Variants in BHMT observed in about 807,000 individuals in gnomAD.
The protein encoded by BHMT is betaine--homocysteine S-methyltransferase.
In BHMT, 38 loss-of-function variants were observed where a neutral mutation model predicts 49.5. The ratio of observed to expected loss-of-function variants is 0.77; its 90% CI spans 0.59 to 1.01. The LOEUF is 1.01. Ranked by LOEUF, BHMT falls within the 50% of genes least tolerant of loss-of-function variation. The pLI is 0.00. For missense variants in BHMT, 426 were observed against 495.7 expected, an observed-to-expected ratio of 0.86 and a Z score of 1.34; for synonymous variants, 166 against 176.3, an observed-to-expected ratio of 0.94 and a Z score of 0.46.
chr5:79,115,631 T>TAA, intron 1 of BHMT, 136 bp from the exon 2 acceptor site: 1 of 987,424 alleles, frequency 1.0e-6, no homozygotes, highest in Non-Finnish European at 1.4e-6. Flanking sequence ...TAAATGTATA[T>TAA]ATAAAATATA....
Position 79,126,119 on chromosome 5 carries a change from G to A in BHMT, c.699G>A (p.Glu233=). 6.2e-7 allele frequency: 1 copy of A among 1,613,396 alleles called. No individual in the cohort carries two copies. Among genetic ancestry groups the A allele is most frequent in the African/African-American group, 1.3e-5 (1 of 75,032 alleles). Residue 233 remains glutamate (E), a synonymous_variant, in exon 6 of 8, where the codon GAG becomes GAA. Transcript: ENST00000274353. ...ISLKTVKLMK[E]GLEAARLKAH... is the part of the protein sequence containing the mutation. ...TAAAAACAGTGAAGCTCATGAAGGA[G>A]GGCTTGGAGGCTGCCCGACTGAAAG...
chr5:79,121,512 C>G (rs1756472221), intron 5 of BHMT, 147 bp downstream of exon 5: 2 of 1,245,448 alleles, frequency 1.6e-6, no homozygotes, highest in Non-Finnish European at 2.1e-6. Flanking sequence ...TATTGAATCC[C>G]AGAGGAAAAG....
chr5:79,121,933 A>G (rs1323864652), intron 5 of BHMT, among the ~76,000 whole-genome samples: 1 of 151,506 alleles, frequency 6.6e-6, no homozygotes, highest in Non-Finnish European at 1.5e-5. Context: ...AATTAAGCAG[A>G]TATCTTGTTT....
chr5:79,125,813 C>G (rs954383270), intron 5 of BHMT, among the ~76,000 whole-genome samples: 1 of 151,966 alleles, frequency 6.6e-6, no homozygotes, highest in Non-Finnish European at 1.5e-5. Flanking sequence ...CGTGGTGGCA[C>G]ACACTTGTAG....
At chr5:79,116,986 T>C (rs1442948340) in intron 2 of BHMT, among the ~76,000 whole-genome samples, 1 of 152,188 alleles carries the variant, frequency 6.6e-6, no homozygotes, top group East Asian at 1.9e-4. Context: ...GCAGCTTTAA[T>C]TCAGCAATGA....
chr5:79,111,931 G>A lies in BHMT; in HGVS notation c.33+13G>A, dbSNP rs1489388856. 1.9e-6 allele frequency: 3 copies of A among 1,591,136 alleles called. No individual in the cohort carries two copies. Among genetic ancestry groups the A allele is most frequent in the Non-Finnish European group, 2.6e-6 (3 of 1,169,116 alleles). On this transcript the variant is annotated intron_variant, in intron 1 of 7. Coordinates refer to ENST00000274353, the MANE Select transcript of BHMT (RefSeq NM_001713.3). ...AAAGGCCAAGAAGGTGAGTCTCCAG[G>A]GGACCCGAGGGCGCTCTCCTTCCCC... is the stretch of plus-strand genomic sequence containing the variant.
At chr5:79,125,950 G>GAA in intron 5 of BHMT, 96 bp from the exon 6 acceptor site, 4 of 1,270,724 alleles carry the variant, frequency 3.1e-6, no homozygotes, top group South Asian at 3.1e-5. Flanking sequence ...CTCAAAAAAT[G>GAA]AAAAAAGAAC....
chr5:79,115,207 C>T (rs1369072180), intron 1 of BHMT, among the ~76,000 whole-genome samples: 1 of 151,890 alleles, frequency 6.6e-6, no homozygotes, highest in African/African-American at 2.4e-5. Context: ...GTGGCACGAG[C>T]CTGTAGTTTT....
At chr5:79,112,678 G>T (rs1476130997) in intron 1 of BHMT, among the ~76,000 whole-genome samples, 1 of 152,236 alleles carries the variant, frequency 6.6e-6, no homozygotes, top group African/African-American at 2.4e-5. Context: ...ACTGAGGAAG[G>T]GCTGTTGATG....
In BHMT at chr5:79,111,907, A is replaced by C; in HGVS notation, c.22A>C (p.Lys8Gln). The C allele has an allele frequency of 3.1e-6, 5 of 1,609,930 alleles. No homozygotes were observed. The highest frequency in any genetic ancestry group is 3.4e-6 in the Non-Finnish European group (4 of 1,178,022). ...GAAGATGCCACCCGTTGGGGGCAAA[A>C]AGGCCAAGAAGGTGAGTCTCCAGGG... The part of the protein sequence containing the change: MPPVGGK[K>Q]AKKGILERLN... The change falls in exon 1 of 8, where the codon AAG becomes CAG. Residue 8 changes from lysine (K) to glutamine (Q), a missense_variant. Physicochemically the swap from Lys to Gln is moderately conservative, Grantham distance 53. This residue lies in a region of BHMT where 321 missense variants were observed against 355.9 expected (regional missense o/e 0.90). Coordinates refer to ENST00000274353, the MANE Select transcript of BHMT (RefSeq NM_001713.3).
chr5:79,115,920 T>G (rs376693924), intron 2 of BHMT, 21 bp downstream of exon 2: 3 of 1,594,094 alleles, frequency 1.9e-6, no homozygotes, highest in Admixed American at 3.5e-5. Flanking sequence ...AGCTCTATTG[T>G]AAGTTCTCAT....
At chr5:79,130,890 G>A (rs1481019619) in intron 7 of BHMT, 43 bp from the exon 8 acceptor site, 2 of 1,490,768 alleles carry the variant, frequency 1.3e-6, no homozygotes, top group African/African-American at 1.4e-5. Flanking sequence ...CCAAAGCTAG[G>A]GGAGGAGTCT....
chr5:79,121,437 A>T, intron 5 of BHMT, 72 bp downstream of exon 5: 1 of 1,565,038 alleles, frequency 6.4e-7, no homozygotes, highest in Non-Finnish European at 8.7e-7. Flanking sequence ...TCTGTCTACA[A>T]ATCAGTGTAT....
At chr5:79,116,687 T>C (rs957803366) in intron 2 of BHMT, among the ~76,000 whole-genome samples, 6 of 152,184 alleles carry the variant, frequency 3.9e-5, no homozygotes. Context: ...GCTAAATCTA[T>C]AAGGCTAATC....
intron 2 of BHMT, among the ~76,000 whole-genome samples, chr5:79,117,639 C>T (rs1364138476): frequency 2.0e-5 from 3 of 152,304 alleles, no homozygotes; most frequent in East Asian, 3.9e-4. Flanking sequence ...CTCTACTAGT[C>T]GTCTGGGAGA....
In BHMT at chr5:79,121,206, A is replaced by C; in HGVS notation, c.478-12A>C. The C allele has an allele frequency of 6.2e-7, 1 of 1,613,802 alleles. No individual in the cohort carries two copies. The highest frequency in any genetic ancestry group is 8.5e-7 in the Non-Finnish European group (1 of 1,179,820). ...ACGAGATTAAAAGTACTCTAACCTT[A>C]ACTGATTCCAGTATTTTGAACACGT... On this transcript the variant is annotated splice_polypyrimidine_tract_variant and intron_variant, in intron 4 of 7. Transcript: ENST00000274353.
rs762260588 is a variant in BHMT, at chr5:79,111,910, G to C, written c.25G>C (p.Ala9Pro). 8 of 1,610,106 alleles carry C rather than the reference G, an allele frequency of 5.0e-6. No individual in the cohort carries two copies. The highest frequency in any genetic ancestry group is 6.8e-6 in the Non-Finnish European group (8 of 1,178,138). Residue 9 changes from alanine (A) to proline (P), a missense_variant, in exon 1 of 8, where the codon GCC (alanine) becomes CCC (proline). Coordinates refer to ENST00000274353, the MANE Select transcript of BHMT (RefSeq NM_001713.3). MPPVGGKKAKKGILERLNA... is the reference protein window; with the variant it reads MPPVGGKKPKKGILERLNA... ...GATGCCACCCGTTGGGGGCAAAAAG[G>C]CCAAGAAGGTGAGTCTCCAGGGGAC... is the stretch of plus-strand genomic sequence containing the variant.
Position 79,120,454 on chromosome 5 carries a change from C to G in BHMT, c.390C>G (p.Ser130Arg). 1 of 1,614,104 alleles carries G rather than the reference C, an allele frequency of 6.2e-7. No individual in the cohort carries two copies. Among genetic ancestry groups the G allele is most frequent in the South Asian group, 1.1e-5 (1 of 91,072 alleles). ...GGVSQTPSYL[S>R]CKSETEVKKV... ...TGAGTCAGACACCTTCATACCTTAGCTGCAAGAGTGAAACTGAAGTCAAAA... is the reference window on the plus strand; with the variant it reads ...TGAGTCAGACACCTTCATACCTTAGGTGCAAGAGTGAAACTGAAGTCAAAA... The change falls in exon 4 of 8, where the codon AGC (serine) becomes AGG (arginine). Residue 130 changes from serine to arginine, a missense_variant. Ser to Arg is a moderately radical substitution (Grantham distance 110, BLOSUM62 -1). Transcript: ENST00000274353.
At chr5:79,127,169 A>G (rs1561255718) in intron 6 of BHMT, among the ~76,000 whole-genome samples, 1 of 152,150 alleles carries the variant, frequency 6.6e-6, no homozygotes, top group Non-Finnish European at 1.5e-5. Context: ...AAGAGGTTGG[A>G]GTCCGGATAT....
Sources: gnomAD v4.1 joint callset for allele counts (sites outside exome capture counted in the v4.1 genomes callset) on GRCh38, gnomAD v4.1.1 for gene constraint, gnomAD v4.1.1 regional missense constraint, MANE v1.5 for transcripts, NCBI Gene and HGNC (gene_info 2026-07-23, HGNC 2026-07-21) for gene names.